Variants in FNBP4 observed in about 807,000 individuals in gnomAD.
FNBP4 encodes the protein formin binding protein 4.
In FNBP4, 34 loss-of-function variants were observed where a neutral mutation model predicts 119.3. The ratio of observed to expected loss-of-function variants is 0.28; its 90% CI spans 0.22 to 0.38. The LOEUF (loss-of-function observed/expected upper bound fraction) is 0.38. Among genes scored for constraint, FNBP4 ranks in the 10% least tolerant of loss-of-function variants. The probability of loss-of-function intolerance (pLI) is 1.00; values close to 1 mark genes in which losing one functional copy is unlikely to be tolerated. For synonymous variants in FNBP4, 462 were observed against 430.6 expected (o/e 1.07, Z -0.90); for missense variants, 1,112 against 1,228.9 (o/e 0.90, Z 1.42).
chr11:47,723,143 G>A lies in FNBP4; in HGVS notation c.2638C>T (p.Pro880Ser). The A allele has an allele frequency of 6.2e-7, 1 of 1,614,012 alleles. No individual in the cohort carries two copies. Among genetic ancestry groups the A allele is most frequent in the Non-Finnish European group, 8.5e-7 (1 of 1,180,018 alleles). Residue 880 changes from proline (P) to serine (S), a missense_variant, in exon 15 of 17, where the codon CCA becomes TCA. Transcript: ENST00000263773. ...AATGAGGGAGCAGTCACTCCAATTG[G>A]GACAGAACATTCTGCATAACTCATA... ...AIMSYAECSV[P>S]IGVTAPSLQP...
At chr11:47,720,481 T>C (rs1473154979) in intron 15 of FNBP4, among the ~76,000 whole-genome samples, 4 of 151,860 alleles carry the variant, frequency 2.6e-5, no homozygotes, top group Non-Finnish European at 5.9e-5. Context: ...GATAGGAGAA[T>C]GGCATGAACC....
chr11:47,738,018 C>T (rs995403841), intron 8 of FNBP4, among the ~76,000 whole-genome samples: 2 of 152,116 alleles, frequency 1.3e-5, no homozygotes, highest in African/African-American at 4.8e-5. Flanking sequence ...GCTGGCATTA[C>T]AGGCGTTAGC....
In FNBP4 at chr11:47,732,467, G is replaced by A; in HGVS notation, c.1820+70C>T. ...CTCCAGACAGGCTGTCATGTCGTCA[G>A]ATGGTGGTGATCACAAATCATGTCT... On this transcript the variant is annotated intron_variant, in intron 11 of 16. Transcript: ENST00000263773. This position sits in a 1 kb window ranked among gnomAD's most constrained non-coding sequence, Gnocchi z 4.2. 6.2e-7 allele frequency: 1 copy of A among 1,603,744 alleles called. No homozygotes were observed. Among genetic ancestry groups the A allele is most frequent in the South Asian group, 1.1e-5 (1 of 90,020 alleles).
At position 47,729,974 on chromosome 11, in the gene FNBP4, T is replaced by A. The variant is rs893285220; in HGVS notation, c.2008+1400A>T. ...TACAACTAGTTCTGTTTTAATTAAA[T>A]AGGAATGGCTCAAGAGCCTCCTTTT... is the stretch of plus-strand genomic sequence containing the variant. On this transcript the variant is annotated intron_variant, in intron 12 of 16. Coordinates refer to ENST00000263773, the MANE Select transcript of FNBP4 (RefSeq NM_015308.5). 1.9e-5 allele frequency: 19 copies of A among 985,298 alleles called. No individual in the cohort carries two copies. In the African/African-American group the frequency reaches 3.3e-4, roughly 17 times the overall value. 61.0% of individuals were successfully genotyped at this position (985,298 alleles called of 1,614,324 possible). A position where few individuals can be genotyped will look rare whatever the true frequency, so the allele number is the denominator to read the frequency against.
chr11:47,719,574 GTA>G lies in FNBP4; in HGVS notation c.2963+353_2963+354del, dbSNP rs1252536094. 3.1e-3 allele frequency among the ~76,000 whole-genome samples: 265 copies of G among 85,258 alleles called. 1 individual carries two copies. Among genetic ancestry groups the G allele is most frequent in the African/African-American group, 8.5e-3 (226 of 26,682 alleles). The allele number at this position is 85,258 out of a possible 152,430, so 55.9% of individuals were successfully genotyped here. A position where few individuals can be genotyped will look rare whatever the true frequency, so the allele number is the denominator to read the frequency against. On this transcript the variant is annotated intron_variant, in intron 16 of 16. Coordinates refer to ENST00000263773, the MANE Select transcript of FNBP4 (RefSeq NM_015308.5). ...TAAAATAAGTTAATATGTTATGTGT[GTA>G]TGTGTGTGTGTGTGTGTGTGTGTGT...
chr11:47,750,122 T>C (rs565420953), intron 6 of FNBP4, among the ~76,000 whole-genome samples: 13 of 152,022 alleles, frequency 8.6e-5, no homozygotes, highest in Non-Finnish European at 1.6e-4. Flanking sequence ...CTCATGCCTG[T>C]AATCTCAGCA....
chr11:47,720,004 G>A lies in FNBP4; in HGVS notation c.2888C>T (p.Ser963Phe). Residue 963 changes from serine (S) to phenylalanine (F), a missense_variant, in exon 16 of 17, where the codon TCT becomes TTT. Ser to Phe is a radical substitution (Grantham distance 155, BLOSUM62 -2). Coordinates refer to ENST00000263773, the MANE Select transcript of FNBP4 (RefSeq NM_015308.5). The part of the protein sequence containing the change: ...IQRELDEEDN[S>F]SSSEEDREST... ...TTCCCGATCCTCTTCACTGGAACTA[G>A]AATTGTCCTCTTCATCTAACTCACG... 16 of 1,613,984 alleles carry A rather than the reference G, an allele frequency of 9.9e-6. No homozygotes were observed. The highest frequency in any genetic ancestry group is 1.3e-5 in the Non-Finnish European group (15 of 1,179,982).
chr11:47,765,015 C>T (rs1344482381), intron 2 of FNBP4, among the ~76,000 whole-genome samples: 1 of 151,798 alleles, frequency 6.6e-6, no homozygotes, highest in African/African-American at 2.4e-5. Context: ...GACCAGAAAA[C>T]TAGTTATAAA....
rs1215852102 is a variant in FNBP4, at chr11:47,717,034, T to C, written c.*388A>G. 6 of 162,584 alleles carry C rather than the reference T, an allele frequency of 3.7e-5. 1 individual carries two copies. The allele number at this position is 162,584 out of a possible 1,614,324, so 10.1% of individuals were successfully genotyped here. On this transcript the variant is annotated 3_prime_UTR_variant, in exon 17 of 17. Transcript: ENST00000263773. Reference sequence around the variant, plus strand: ...TTCAGACAATTCCAGTCAAGCAAGGTAGAATGCAGAGCTGCCTTCTGAATT... The same window carrying C: ...TTCAGACAATTCCAGTCAAGCAAGGCAGAATGCAGAGCTGCCTTCTGAATT...
chr11:47,736,144 G>A (rs1214504248), intron 9 of FNBP4, among the ~76,000 whole-genome samples: 6 of 151,810 alleles, frequency 4.0e-5, no homozygotes, highest in African/African-American at 1.5e-4. Context: ...GGGAGGCTGA[G>A]GCAGGAGAAG....
chr11:47,718,996 C>T (rs2097552475), intron 16 of FNBP4, among the ~76,000 whole-genome samples: 1 of 150,968 alleles, frequency 6.6e-6, no homozygotes, highest in Admixed American at 6.6e-5. Flanking sequence ...ACCTCCGCCT[C>T]GCGGGTTCAA....
chr11:47,750,250 G>T (rs2097599321), intron 6 of FNBP4, among the ~76,000 whole-genome samples: 1 of 151,808 alleles, frequency 6.6e-6, no homozygotes, highest in Non-Finnish European at 1.5e-5. Flanking sequence ...ATGGTGGCAG[G>T]TGCCTGTAAT....
At chr11:47,728,752 T>C (rs529421139) in intron 12 of FNBP4, among the ~76,000 whole-genome samples, 4 of 150,698 alleles carry the variant, frequency 2.7e-5, no homozygotes, top group African/African-American at 9.7e-5. Flanking sequence ...TGGTTTTGAA[T>C]TCCTGAGCTC....
intron 2 of FNBP4, among the ~76,000 whole-genome samples, chr11:47,762,469 C>T (rs2097637693): frequency 6.6e-6 from 1 of 151,964 alleles, no homozygotes; most frequent in African/African-American, 2.4e-5. Context: ...CATTCTGTCA[C>T]CTAGACTGGG....
Position 47,746,150 on chromosome 11 carries a change from T to C in FNBP4, c.1151A>G (p.Gln384Arg). The change falls in exon 7 of 17, where the codon CAG (glutamine) becomes CGG (arginine). Residue 384 changes from glutamine (Q) to arginine (R), a missense_variant. Physicochemically the swap from Gln to Arg is conservative, Grantham distance 43. Around this residue, in one of 2 missense-constraint regions of FNBP4, gnomAD observed 826 missense variants for 988.8 expected, o/e 0.84. Coordinates refer to ENST00000263773, the MANE Select transcript of FNBP4 (RefSeq NM_015308.5). ...TTGGACAACACTGCAAAGATCCTCC[T>C]GAGAAGGGTCTTCTATATTGTCCAA... ...IMLDNIEDPS[Q>R]EDLCSVVQSG... The C allele has an allele frequency of 1.2e-6, 2 of 1,614,220 alleles. No homozygotes were observed. The highest frequency in any genetic ancestry group is 1.7e-6 in the Non-Finnish European group (2 of 1,180,032).
At chr11:47,762,045 TCAGGCTGGTCTCGAACTCCAGACCTC>T (rs1262202525) in intron 2 of FNBP4, among the ~76,000 whole-genome samples, 1 of 151,716 alleles carries the variant, frequency 6.6e-6, no homozygotes, top group African/African-American at 2.4e-5. Flanking sequence ...TCCGTGCTGG[TCAGGCTGGTCTCGAACTCCAGACCTC>T]AGATGATCCG....
chr11:47,716,833 G>A lies in FNBP4; in HGVS notation c.*589C>T, dbSNP rs1046043051. The A allele has an allele frequency of 2.6e-5, 4 of 152,516 alleles. No individual in the cohort carries two copies. The highest frequency in any genetic ancestry group is 1.5e-5 in the Non-Finnish European group (1 of 68,078). The allele number at this position is 152,516 out of a possible 1,614,324, so 9.4% of individuals were successfully genotyped here. On this transcript the variant is annotated 3_prime_UTR_variant, in exon 17 of 17. Coordinates refer to ENST00000263773, the MANE Select transcript of FNBP4 (RefSeq NM_015308.5). ...TTGAGGGGAAATTCTCAAAATCAAG[G>A]ATATGAACACCTGCTGCTGCCTGTA...
intron 7 of FNBP4, among the ~76,000 whole-genome samples, chr11:47,745,636 T>TCTA (rs2097588829): frequency 6.6e-6 from 1 of 152,076 alleles, no homozygotes; most frequent in South Asian, 2.1e-4. Context: ...AAGCACATGA[T>TCTA]CTACTCCCTG....
intron 2 of FNBP4, among the ~76,000 whole-genome samples, chr11:47,764,301 C>T (rs1198719571): frequency 2.6e-5 from 4 of 152,144 alleles, no homozygotes; most frequent in African/African-American, 7.2e-5. Flanking sequence ...AGGCTGGTCT[C>T]GAACTCCTGA....
Sources: allele counts gnomAD v4.1 joint callset (sites outside exome capture counted in the v4.1 genomes callset), GRCh38; gene constraint gnomAD v4.1.1; regional missense constraint gnomAD v4.1.1; non-coding constraint Gnocchi (gnomAD v3.1); transcripts MANE v1.5; gene names NCBI Gene and HGNC (gene_info 2026-07-23, HGNC 2026-07-21).